RASA3: variants seen among roughly 807,000 people sequenced by gnomAD.
RASA3 encodes the protein RAS p21 protein activator 3.
In RASA3, 73 loss-of-function variants were observed where a neutral mutation model predicts 110.0. The ratio of observed to expected loss-of-function variants is 0.66; its 90% CI spans 0.55 to 0.81. The LOEUF (loss-of-function observed/expected upper bound fraction) is 0.81. RASA3 is among the 30% of genes least tolerant of loss of function. The pLI, the probability that RASA3 is intolerant of heterozygous loss-of-function variation, is 0.00. For synonymous variants in RASA3, 500 were observed against 451.4 expected (o/e 1.11, Z -1.37); for missense variants, 976 against 1,113.2 (o/e 0.88, Z 1.75).
chr13:114,040,214 G>A (rs1359438032), intron 4 of RASA3, among the ~76,000 whole-genome samples: 1 of 149,360 alleles, frequency 6.7e-6, no homozygotes, highest in African/African-American at 2.5e-5. Context: ...TGGGCGAACA[G>A]ACACAATGCA....
rs529393319 is a variant in RASA3, at chr13:114,050,685, G to C, written c.277+1367C>G. 2.0e-5 allele frequency among the ~76,000 whole-genome samples: 3 copies of C among 152,366 alleles called. No individual in the cohort carries two copies. The East Asian group carries it at 5.8e-4, about 29-fold the overall frequency. ...CATCTCTGTCAGGGGACTTGCTGTG[G>C]AGGCCCGGGACATGGCAGAGTGCAG... On this transcript the variant is annotated intron_variant, in intron 3 of 23. Transcript: ENST00000334062.
Position 114,073,774 on chromosome 13 carries a change from A to T in RASA3, c.119T>A (p.Val40Glu). ...PSKMRDCYCT[V>E]NLDQEEVFRT... ...GAAAACCTCCTCCTGGTCCAGGTTC[A>T]CCGTGCAGTAGCAATCCCTCATCTT... The change falls in exon 2 of 24, where the codon GTG (valine) becomes GAG (glutamate). Residue 40 changes from valine to glutamate, a missense_variant. Physicochemically the swap from Val to Glu is moderately radical, Grantham distance 121. Coordinates refer to ENST00000334062, the MANE Select transcript of RASA3 (RefSeq NM_007368.4). 6.2e-7 allele frequency: 1 copy of T among 1,614,216 alleles called. No homozygotes were observed. Among genetic ancestry groups the T allele is most frequent in the Non-Finnish European group, 8.5e-7 (1 of 1,180,046 alleles).
intron 1 of RASA3, among the ~76,000 whole-genome samples, chr13:114,094,971 A>G (rs117479593): frequency 6.6e-6 from 1 of 152,364 alleles, no homozygotes; most frequent in East Asian, 1.9e-4. Flanking sequence ...TCAGCTCAAC[A>G]GAACCATGCA....
At chr13:113,984,602 C>T (rs567822437) in intron 22 of RASA3, among the ~76,000 whole-genome samples, 6 of 51,218 alleles carry the variant, frequency 1.2e-4, no homozygotes, top group African/African-American at 3.6e-4. Flanking sequence ...ACCTAACACT[C>T]ACCCATCTGT....
At chr13:114,066,230 C>T (rs755456489) in intron 2 of RASA3, among the ~76,000 whole-genome samples, 4 of 152,202 alleles carry the variant, frequency 2.6e-5, no homozygotes, top group Non-Finnish European at 4.4e-5. Context: ...CTTTAGGGCC[C>T]GGCCACGATG....
chr13:114,073,948 A>C, intron 1 of RASA3, 111 bp from the exon 2 acceptor site: 1 of 972,952 alleles, frequency 1.0e-6, no homozygotes, highest in Non-Finnish European at 1.6e-6. Context: ...GCTCTCTATA[A>C]AGCCTTGGTT....
intron 9 of RASA3, among the ~76,000 whole-genome samples, chr13:114,019,564 G>A (rs1219926428): frequency 1.3e-5 from 2 of 151,802 alleles, no homozygotes; most frequent in Middle Eastern, 3.4e-3. Flanking sequence ...GGTGGGTGGA[G>A]CCTGTCTGCA....
chr13:114,118,635 C>T (rs1289198892), intron 1 of RASA3, among the ~76,000 whole-genome samples: 1 of 152,198 alleles, frequency 6.6e-6, no homozygotes, highest in African/African-American at 2.4e-5. Context: ...CCGATGTCAC[C>T]GCCACTTTTA....
intron 1 of RASA3, among the ~76,000 whole-genome samples, chr13:114,081,845 C>G (rs149846998): frequency 9.3e-4 from 141 of 152,328 alleles, no homozygotes; most frequent in Non-Finnish European, 1.8e-3. Context: ...CAGGAACCCC[C>G]AGGGCCCCCG....
chr13:113,995,228 G>A (rs1173557377), intron 21 of RASA3, among the ~76,000 whole-genome samples: 8 of 152,226 alleles, frequency 5.3e-5, no homozygotes, highest in African/African-American at 1.7e-4. Flanking sequence ...TTCTCTCCTC[G>A]TCAGGCTGCA....
In RASA3 at chr13:114,051,705, A is replaced by T. The variant is rs1353660264; in HGVS notation, c.277+347T>A. Among the ~76,000 whole-genome samples the T allele has an allele frequency of 2.6e-4, 35 of 134,372 alleles. 1 individual carries two copies. 88.2% of individuals were successfully genotyped at this position (134,372 alleles called of 152,430 possible). A position where few individuals can be genotyped will look rare whatever the true frequency, so the allele number is the denominator to read the frequency against. ...CAGGGACAGCCAAGACGTGGTGAGG[A>T]GGGAGGCCCCACATCCATGCAAAGG... On this transcript the variant is annotated intron_variant, in intron 3 of 23. Coordinates refer to ENST00000334062, the MANE Select transcript of RASA3 (RefSeq NM_007368.4).
At chr13:114,044,738 A>G (rs1281938994) in intron 3 of RASA3, among the ~76,000 whole-genome samples, 1 of 151,274 alleles carries the variant, frequency 6.6e-6, no homozygotes, top group African/African-American at 2.4e-5. Flanking sequence ...TGGGCAATAT[A>G]TTTCAGTGAA....
At chr13:114,123,531 A>G (rs572682611) in intron 1 of RASA3, among the ~76,000 whole-genome samples, 1 of 152,364 alleles carries the variant, frequency 6.6e-6, no homozygotes, top group East Asian at 1.9e-4. Context: ...TATCGCGCCC[A>G]GTTCAGACCC....
At chr13:114,010,777 G>C (rs1594315773) in intron 16 of RASA3, among the ~76,000 whole-genome samples, 2 of 130,384 alleles carry the variant, frequency 1.5e-5, no homozygotes, top group African/African-American at 2.7e-5. Context: ...GGGAGGAGGG[G>C]GCCGCGTGGG....
Position 114,011,272 on chromosome 13 carries a change from G to C in RASA3, c.1513-24C>G, listed in dbSNP as rs752189519. On this transcript the variant is annotated intron_variant, in intron 15 of 23. Transcript: ENST00000334062. This position sits in a 1 kb window ranked among gnomAD's most constrained non-coding sequence, Gnocchi z 4.8. ...TCCTGGGGAGGCGGGAGCAAGAAAG[G>C]TCTATGTCAGCATCACAGAAATGCT... The C allele has an allele frequency of 7.0e-6, 11 of 1,582,546 alleles. 1 individual carries two copies. In the South Asian group the frequency reaches 1.2e-4, roughly 18 times the overall value.
chr13:113,997,472 T>C (rs971027819), intron 20 of RASA3, among the ~76,000 whole-genome samples: 4 of 147,752 alleles, frequency 2.7e-5, no homozygotes, highest in South Asian at 2.1e-4. Context: ...AAGCAGGGGG[T>C]GGGGGCAAAG....
At chr13:113,982,051 A>G (rs1015327544) in intron 22 of RASA3, among the ~76,000 whole-genome samples, 193 bp from the exon 23 acceptor site, 1 of 152,202 alleles carries the variant, frequency 6.6e-6, no homozygotes, top group African/African-American at 2.4e-5. Context: ...AGTTGTGCCC[A>G]CACTGAGCCC....
chr13:114,017,995 C>T, intron 11 of RASA3, 109 bp downstream of exon 11: 1 of 1,239,136 alleles, frequency 8.1e-7, no homozygotes, highest in Non-Finnish European at 1.1e-6. Flanking sequence ...TTCTGGGGAC[C>T]CTTGAATTCC....
intron 1 of RASA3, among the ~76,000 whole-genome samples, chr13:114,116,473 G>A (rs1334293480): frequency 2.0e-5 from 3 of 148,778 alleles, no homozygotes. Context: ...ACTGAGCGGC[G>A]CCCGTCAGAG....
Sources: gnomAD v4.1 joint callset for allele counts (sites outside exome capture counted in the v4.1 genomes callset) on GRCh38, gnomAD v4.1.1 for gene constraint, Gnocchi (gnomAD v3.1) non-coding constraint, MANE v1.5 for transcripts, NCBI Gene and HGNC (gene_info 2026-07-23, HGNC 2026-07-21) for gene names.